The following ERBB4 variants were observed in gnomAD, a reference collection of about 807,000 sequenced individuals.
ERBB4 encodes erb-b2 receptor tyrosine kinase 4.
Under a neutral mutation model 158.0 loss-of-function variants are expected in ERBB4, and 42 were observed. That is an observed-to-expected ratio of 0.27 (90% CI 0.21 to 0.34). The LOEUF is 0.34. ERBB4 is among the 10% of genes least tolerant of loss of function. ERBB4 has a pLI of 1.00. For synonymous variants in ERBB4, 583 were observed against 558.7 expected, an observed-to-expected ratio of 1.04 and a Z score of -0.61; for missense variants, 1,333 against 1,624.1, an observed-to-expected ratio of 0.82 and a Z score of 3.08.
chr2:212,166,802 T>A (rs1475558857), intron 1 of ERBB4, among the ~76,000 whole-genome samples: 1 of 152,036 alleles, frequency 6.6e-6, no homozygotes, highest in Non-Finnish European at 1.5e-5. Flanking sequence ...TCTACAACCA[T>A]CTGATCTTCG....
intron 12 of ERBB4, among the ~76,000 whole-genome samples, chr2:211,680,281 A>T (rs2072280524): frequency 6.6e-6 from 1 of 152,150 alleles, no homozygotes; most frequent in Admixed American, 6.5e-5. Flanking sequence ...TATTATTTAT[A>T]CTGCATGACA....
chr2:212,404,371 G>A (rs1360781995), intron 1 of ERBB4, among the ~76,000 whole-genome samples: 1 of 151,808 alleles, frequency 6.6e-6, no homozygotes, highest in Non-Finnish European at 1.5e-5. Flanking sequence ...CACTCTTCCC[G>A]TTGTTCCCAC....
intron 1 of ERBB4, among the ~76,000 whole-genome samples, chr2:212,206,778 CG>C (rs1298883534): frequency 1.3e-5 from 2 of 151,378 alleles, no homozygotes; most frequent in African/African-American, 4.9e-5. Context: ...TTAGTAGAGA[CG>C]GGGTTTCACC....
chr2:211,569,514 A>G (rs933258911), intron 19 of ERBB4, among the ~76,000 whole-genome samples: 4 of 152,216 alleles, frequency 2.6e-5, no homozygotes, highest in African/African-American at 7.2e-5. Context: ...GTATTTTTAA[A>G]TGAGATTAAG....
At chr2:211,797,132 T>G (rs1575161022) in intron 3 of ERBB4, among the ~76,000 whole-genome samples, 1 of 152,018 alleles carries the variant, frequency 6.6e-6, no homozygotes, top group South Asian at 2.1e-4. Flanking sequence ...CTCACATATT[T>G]TTATTCCTAT....
chr2:211,965,288 G>C (rs2081283569), intron 2 of ERBB4, among the ~76,000 whole-genome samples: 1 of 152,156 alleles, frequency 6.6e-6, no homozygotes, highest in Non-Finnish European at 1.5e-5. Context: ...CTTAGGAAAT[G>C]TGTAAAAGTA....
chr2:211,608,994 C>T (rs1412140071), intron 19 of ERBB4, among the ~76,000 whole-genome samples: 1 of 152,010 alleles, frequency 6.6e-6, no homozygotes, highest in Non-Finnish European at 1.5e-5. Context: ...TTGAGAGAAC[C>T]ATTTTACTAA....
intron 1 of ERBB4, among the ~76,000 whole-genome samples, chr2:212,301,284 T>C (rs906598712): frequency 6.6e-6 from 1 of 151,468 alleles, no homozygotes; most frequent in Non-Finnish European, 1.5e-5. Context: ...TTCTTTGTTT[T>C]TTCTTACAAT....
At chr2:212,316,115 G>A (rs2087265444) in intron 1 of ERBB4, among the ~76,000 whole-genome samples, 1 of 151,382 alleles carries the variant, frequency 6.6e-6, no homozygotes, top group Admixed American at 6.6e-5. Flanking sequence ...TTATCCCTGA[G>A]AAAACTATCG....
intron 1 of ERBB4, among the ~76,000 whole-genome samples, chr2:212,273,965 A>T (rs866966229): frequency 1.3e-5 from 2 of 151,820 alleles, no homozygotes; most frequent in Non-Finnish European, 2.9e-5. Context: ...GACTCCCACA[A>T]AACTTAATAT....
chr2:212,286,767 A>ATTTTTTTTTTTTTTTCTTTTTTTTTTTT (rs2085996311), intron 1 of ERBB4, among the ~76,000 whole-genome samples: 1 of 39,562 alleles, frequency 2.5e-5, no homozygotes, highest in Non-Finnish European at 4.2e-5. Flanking sequence ...ATGAGGGTTA[A>ATTTTTTTTTTTTTTTCTTTTTTTTTTTT]TTTTTTTTTT....
At chr2:211,677,870 T>C (rs1250666995) in intron 13 of ERBB4, among the ~76,000 whole-genome samples, 1 of 152,008 alleles carries the variant, frequency 6.6e-6, no homozygotes, top group Non-Finnish European at 1.5e-5. Flanking sequence ...CAGACTCCGT[T>C]TCAAAATAAA....
chr2:211,407,420 A>AT (rs35926068), intron 25 of ERBB4, among the ~76,000 whole-genome samples: 10 of 149,920 alleles, frequency 6.7e-5, no homozygotes, highest in African/African-American at 1.2e-4. Context: ...TATAAACACT[A>AT]TTTTTTTTTT....
At chr2:211,647,412 T>C (rs1367771820) in intron 16 of ERBB4, among the ~76,000 whole-genome samples, 3 of 151,624 alleles carry the variant, frequency 2.0e-5, no homozygotes, top group Non-Finnish European at 3.0e-5. Context: ...AACTTCCATA[T>C]CTGTATATTA....
chr2:211,556,053 G>T (rs924493042), intron 20 of ERBB4, among the ~76,000 whole-genome samples: 22 of 152,004 alleles, frequency 1.4e-4, no homozygotes, highest in Admixed American at 7.2e-4. Flanking sequence ...CCAACTACAT[G>T]CAATGACAAC....
At position 211,657,779 on chromosome 2, in the gene ERBB4, G is replaced by A; in HGVS notation, c.1921C>T (p.His641Tyr). The change falls in exon 16 of 28, where the codon CAT (histidine) becomes TAT (tyrosine). Residue 641 changes from histidine (H) to tyrosine (Y), a missense_variant. Coordinates refer to ENST00000342788, the MANE Select transcript of ERBB4 (RefSeq NM_005235.3). The part of the protein sequence containing the change: ...HDCIYYPWTG[H>Y]STLPQHARTP... ...CTAGCATGTTGTGGTAAAGTGGAAT[G>A]GCCCGTCCATGGGTAGTAAATGCAG... The A allele has an allele frequency of 6.2e-7, 1 of 1,613,864 alleles. No individual in the cohort carries two copies. The highest frequency in any genetic ancestry group is 1.1e-5 in the South Asian group (1 of 91,074).
At chr2:211,655,011 G>C (rs2071157786) in intron 16 of ERBB4, among the ~76,000 whole-genome samples, 1 of 152,044 alleles carries the variant, frequency 6.6e-6, no homozygotes, top group Non-Finnish European at 1.5e-5. Context: ...TTTAAATTTT[G>C]AAAATATTAA....
intron 25 of ERBB4, among the ~76,000 whole-genome samples, chr2:211,400,447 G>A (rs1386427537): frequency 6.6e-6 from 1 of 152,128 alleles, no homozygotes; most frequent in Non-Finnish European, 1.5e-5. Flanking sequence ...ACAGTGACAT[G>A]ATTATCTGTG....
At chr2:211,587,205 A>T (rs2068308933) in intron 19 of ERBB4, among the ~76,000 whole-genome samples, 1 of 151,920 alleles carries the variant, frequency 6.6e-6, no homozygotes, top group Non-Finnish European at 1.5e-5. Flanking sequence ...AAAAAAAAAA[A>T]AATAGCCAGG....
Sources: allele counts gnomAD v4.1 joint callset (sites outside exome capture counted in the v4.1 genomes callset), GRCh38; gene constraint gnomAD v4.1.1; transcripts MANE v1.5; gene names NCBI Gene and HGNC (gene_info 2026-07-23, HGNC 2026-07-21).